DARS1: variants seen among roughly 807,000 people sequenced by gnomAD.
DARS1 encodes aspartate--tRNA ligase, cytoplasmic.
A neutral mutation model predicts 68.8 loss-of-function variants in DARS1; 51 were observed. The observed-to-expected ratio is 0.74, with a 90% confidence interval of 0.59 to 0.94. DARS1 has a LOEUF of 0.94. Ranked by LOEUF, DARS1 falls within the 40% of genes least tolerant of loss-of-function variation. The probability of loss-of-function intolerance (pLI) is 0.00; values close to 1 mark genes in which losing one functional copy is unlikely to be tolerated. For synonymous variants in DARS1, 203 were observed against 190.4 expected (o/e 1.07, Z -0.55); for missense variants, 607 against 597.3 (o/e 1.02, Z -0.17).
chr2:135,911,174 C>T lies in DARS1; in HGVS notation c.1379G>A (p.Arg460His), dbSNP rs587776985. The T allele has an allele frequency of 1.7e-5, 26 of 1,550,894 alleles. No homozygotes were observed. Among genetic ancestry groups the T allele is most frequent in the South Asian group, 7.8e-5 (7 of 89,688 alleles). ...EKIKAYIDSF[R>H]FGAPPHAGGG... ...ACCAGCATGAGGAGGGGCTCCAAAG[C>T]GGAAGGAATCAATGTAAGCCTTAAT... The change falls in exon 15 of 16, where the codon CGC (arginine) becomes CAC (histidine). Residue 460 changes from arginine to histidine, a missense_variant. Transcript: ENST00000264161.
chr2:135,981,159 G>A (rs956240579), intron 2 of DARS1, among the ~76,000 whole-genome samples: 2 of 152,172 alleles, frequency 1.3e-5, no homozygotes, highest in Non-Finnish European at 2.9e-5. Context: ...CTCTCTAAGT[G>A]GAAGAACGCA....
intron 8 of DARS1, among the ~76,000 whole-genome samples, chr2:135,923,141 C>T (rs1392861988): frequency 6.6e-6 from 1 of 152,098 alleles, no homozygotes; most frequent in African/African-American, 2.4e-5. Flanking sequence ...TATTTCACTT[C>T]TGTGGATATA....
In DARS1 at chr2:135,921,038, G is replaced by T. The variant is rs541609066; in HGVS notation, c.812-438C>A. Among the ~76,000 whole-genome samples, 3 of 151,146 alleles carry T rather than the reference G, an allele frequency of 2.0e-5. No homozygotes were observed. In the South Asian group the frequency reaches 6.3e-4, roughly 32 times the overall value. ...TAGGAATATTTGTGATGTGAAAGAT[G>T]AGTCGAGCTAGAGTCAGGAAGACTG... On this transcript the variant is annotated intron_variant, in intron 9 of 15. Coordinates refer to ENST00000264161, the MANE Select transcript of DARS1 (RefSeq NM_001349.4).
chr2:135,955,290 C>T (rs1681946913), intron 4 of DARS1, among the ~76,000 whole-genome samples: 1 of 151,984 alleles, frequency 6.6e-6, no homozygotes, highest in Admixed American at 6.6e-5. Flanking sequence ...TCAGCAAAAC[C>T]GATACATTTT....
At position 135,932,813 on chromosome 2, in the gene DARS1, T is replaced by C. The variant is rs759630686; in HGVS notation, c.534A>G (p.Thr178=). The change falls in exon 7 of 16, where the codon ACA becomes ACG. Residue 178 remains threonine (T), a synonymous_variant. Coordinates refer to ENST00000264161, the MANE Select transcript of DARS1 (RefSeq NM_001349.4). The part of the protein sequence containing the change: ...EEGRATVNQD[T]RLDNRVIDLR... ...GATCAATGACTCTGTTGTCTAATCTTGTATCCTGGTTAACAGTAGCTCTTC... is the reference window on the plus strand; with the variant it reads ...GATCAATGACTCTGTTGTCTAATCTCGTATCCTGGTTAACAGTAGCTCTTC... The C allele has an allele frequency of 7.3e-7, 1 of 1,368,450 alleles. No individual in the cohort carries two copies. The highest frequency in any genetic ancestry group is 2.3e-5 in the East Asian group (1 of 43,496). 84.8% of individuals were successfully genotyped at this position (1,368,450 alleles called of 1,614,324 possible). A position where few individuals can be genotyped will look rare whatever the true frequency, so the allele number is the denominator to read the frequency against.
intron 7 of DARS1, among the ~76,000 whole-genome samples, chr2:135,925,625 C>T (rs374809958): frequency 2.3e-4 from 35 of 152,288 alleles, no homozygotes; most frequent in African/African-American, 7.2e-4. Context: ...TTCAAAGTTA[C>T]AAATCAATAG....
upstream of DARS1, chr2:135,985,666 C>T (rs571043538): frequency 6.6e-6 from 9 of 1,369,272 alleles, no homozygotes; most frequent in African/African-American, 1.2e-4. Context: ...GGAGCGCTGG[C>T]GGCCGCGCGC....
intron 12 of DARS1, 61 bp from the exon 13 acceptor site, chr2:135,912,627 G>A: frequency 4.5e-6 from 3 of 661,346 alleles, no homozygotes; most frequent in South Asian, 4.1e-5. Context: ...CTAACATTTT[G>A]GTAATTAACT....
intron 5 of DARS1, among the ~76,000 whole-genome samples, chr2:135,939,491 C>G (rs1459398718): frequency 6.6e-6 from 1 of 152,194 alleles, no homozygotes; most frequent in Non-Finnish European, 1.5e-5. Flanking sequence ...ACCAGAATCT[C>G]TGGGACACAT....
intron 7 of DARS1, among the ~76,000 whole-genome samples, chr2:135,925,714 T>C (rs908063720): frequency 2.0e-5 from 3 of 152,208 alleles, no homozygotes; most frequent in South Asian, 2.1e-4. Flanking sequence ...GATGTCTACA[T>C]TTAAACTATA....
chr2:135,912,524 C>T lies in DARS1; in HGVS notation c.1192G>A (p.Val398Ile), dbSNP rs775583688. The change falls in exon 13 of 16, where the codon GTA (valine) becomes ATA (isoleucine). Residue 398 changes from valine (V) to isoleucine (I), a missense_variant. Physicochemically the swap from Val to Ile is conservative, Grantham distance 29. Transcript: ENST00000264161. ...TCAGGCATGGTATAGAAAGGTCTTA[C>T]AGCCAATGGATATTTATCAAGAATA... ...FYILDKYPLA[V>I]RPFYTMPDPR... 16 of 1,119,850 alleles carry T rather than the reference C, an allele frequency of 1.4e-5. No homozygotes were observed. Among genetic ancestry groups the T allele is most frequent in the Non-Finnish European group, 1.9e-5 (14 of 744,058 alleles). The allele number at this position is 1,119,850 out of a possible 1,614,324, so 69.4% of individuals were successfully genotyped here. A position where few individuals can be genotyped will look rare whatever the true frequency, so the allele number is the denominator to read the frequency against.
chr2:135,928,394 AC>A (rs1198631792), intron 7 of DARS1, among the ~76,000 whole-genome samples: 2 of 151,840 alleles, frequency 1.3e-5, no homozygotes, highest in Non-Finnish European at 2.9e-5. Flanking sequence ...TTTATGTAGA[AC>A]TTTTTTTTTT....
chr2:135,979,241 C>CCGAAAGAG, intron 3 of DARS1, 33 bp downstream of exon 3: 1 of 930,904 alleles, frequency 1.1e-6, no homozygotes, highest in East Asian at 2.4e-5. Context: ...GGAGTCCTTA[C>CCGAAAGAG]CGAAAGAGCT....
At chr2:135,932,065 G>A (rs1681364710) in intron 7 of DARS1, among the ~76,000 whole-genome samples, 1 of 152,072 alleles carries the variant, frequency 6.6e-6, no homozygotes, top group Non-Finnish European at 1.5e-5. Flanking sequence ...GGAAAAGGTA[G>A]AAGACAAAAA....
At chr2:135,976,196 A>C (rs2104846489) in intron 3 of DARS1, among the ~76,000 whole-genome samples, 1 of 152,334 alleles carries the variant, frequency 6.6e-6, no homozygotes, top group Non-Finnish European at 1.5e-5. Context: ...ATTTTTGTTT[A>C]AAGCAATTTC....
At chr2:135,978,535 TAA>T (rs1421569231) in intron 3 of DARS1, among the ~76,000 whole-genome samples, 1 of 152,242 alleles carries the variant, frequency 6.6e-6, no homozygotes, top group Admixed American at 6.5e-5. Context: ...ATGAAAAGTA[TAA>T]AGTTATAAAC....
intron 7 of DARS1, among the ~76,000 whole-genome samples, chr2:135,926,739 T>C (rs1232425517): frequency 1.3e-5 from 2 of 152,222 alleles, no homozygotes; most frequent in African/African-American, 2.4e-5. Context: ...AATCACATTG[T>C]GCGAGCGAAT....
chr2:135,971,920 T>C (rs1384451763), intron 3 of DARS1, among the ~76,000 whole-genome samples: 23 of 151,964 alleles, frequency 1.5e-4, no homozygotes, highest in Admixed American at 1.5e-3. Flanking sequence ...TAGAACACTA[T>C]TGAAAGAAAT....
chr2:135,975,834 A>T (rs893205178), intron 3 of DARS1, among the ~76,000 whole-genome samples: 1 of 151,266 alleles, frequency 6.6e-6, no homozygotes, highest in Non-Finnish European at 1.5e-5. Flanking sequence ...CTGTAATCCC[A>T]GCTACTTGGG....
Sources: gnomAD v4.1 joint callset for allele counts (sites outside exome capture counted in the v4.1 genomes callset) on GRCh38, gnomAD v4.1.1 for gene constraint, MANE v1.5 for transcripts, NCBI Gene and HGNC (gene_info 2026-07-23, HGNC 2026-07-21) for gene names.